POLH: variants seen among roughly 807,000 people sequenced by gnomAD.
The protein encoded by POLH is DNA polymerase eta.
POLH carries 53 observed loss-of-function variants against 73.6 expected under a neutral mutation model. That is an observed-to-expected ratio of 0.72 (90% confidence interval 0.58 to 0.91). POLH has a LOEUF of 0.91. Among genes scored for constraint, POLH ranks in the 40% least tolerant of loss-of-function variants. The pLI is 0.00. For synonymous variants in POLH, 292 were observed against 308.5 expected (o/e 0.95, Z 0.56); for missense variants, 768 against 865.4 (o/e 0.89, Z 1.41).
chr6:43,606,782 A>C (rs929228923), intron 9 of POLH, among the ~76,000 whole-genome samples: 2 of 152,016 alleles, frequency 1.3e-5, no homozygotes, highest in African/African-American at 2.4e-5. Context: ...CATACCACAA[A>C]ATTCACCCAT....
In POLH at chr6:43,597,722, C is replaced by G. The variant is rs766918319; in HGVS notation, c.517C>G (p.Gln173Glu). 6.2e-7 allele frequency: 1 copy of G among 1,614,036 alleles called. No homozygotes were observed. Among genetic ancestry groups the G allele is most frequent in the Non-Finnish European group, 8.5e-7 (1 of 1,179,912 alleles). ...KEGMRKQGLF[Q>E]WLDSLQIDNL... Reference sequence around the variant, plus strand: ...GGGGATGCGAAAACAAGGCTTATTTCAATGGCTCGATTCTCTTCAGATTGA... The same window carrying G: ...GGGGATGCGAAAACAAGGCTTATTTGAATGGCTCGATTCTCTTCAGATTGA... Residue 173 changes from glutamine to glutamate, a missense_variant, in exon 5 of 11, where the codon CAA becomes GAA. Gln to Glu is a conservative substitution (Grantham distance 29, BLOSUM62 2). Coordinates refer to ENST00000372236, the MANE Select transcript of POLH (RefSeq NM_006502.3).
chr6:43,586,464 A>C (rs1261535563), intron 3 of POLH, among the ~76,000 whole-genome samples: 1 of 152,210 alleles, frequency 6.6e-6, no homozygotes, highest in Non-Finnish European at 1.5e-5. Context: ...CTGGGAGACA[A>C]GAGCGAGACT....
At chr6:43,597,604 A>T (rs1766231022) in intron 4 of POLH, 92 bp from the exon 5 acceptor site, 1 of 1,230,546 alleles carries the variant, frequency 8.1e-7, no homozygotes. Context: ...TATATGTCTA[A>T]ATACCTGTAA....
chr6:43,613,682 T>C lies in POLH; in HGVS notation c.1267T>C (p.Phe423Leu), dbSNP rs777712407. ...TEWSPPLTML[F>L]LCATKFSASA... ...TAGGTCTCCTCCTCTCACAATGCTT[T>C]TCCTCTGTGCTACAAAATTTTCTGC... Residue 423 changes from phenylalanine to leucine, a missense_variant, in exon 11 of 11, where the codon TTC becomes CTC. Phe to Leu is a conservative substitution (Grantham distance 22). Transcript: ENST00000372236. The C allele has an allele frequency of 1.1e-5, 18 of 1,613,920 alleles. No individual in the cohort carries two copies. The highest frequency in any genetic ancestry group is 2.2e-5 in the South Asian group (2 of 91,048).
chr6:43,576,759 C>T (rs2127763356), intron 1 of POLH, among the ~76,000 whole-genome samples: 1 of 152,310 alleles, frequency 6.6e-6, no homozygotes, highest in Non-Finnish European at 1.5e-5. Context: ...AAGGTTTGTG[C>T]AGTTTTGATA....
chr6:43,585,892 C>G (rs1764773369), intron 3 of POLH, among the ~76,000 whole-genome samples: 2 of 151,628 alleles, frequency 1.3e-5, no homozygotes, highest in Non-Finnish European at 2.9e-5. Flanking sequence ...GATCCACCCA[C>G]CTCTGCCTCC....
At chr6:43,594,128 C>T (rs1765783949) in intron 4 of POLH, among the ~76,000 whole-genome samples, 1 of 152,238 alleles carries the variant, frequency 6.6e-6, no homozygotes, top group African/African-American at 2.4e-5. Context: ...TAAAAATCTA[C>T]ATTGCCACAG....
At chr6:43,584,354 G>C (rs182117715) in intron 3 of POLH, among the ~76,000 whole-genome samples, 10 of 152,162 alleles carry the variant, frequency 6.6e-5, no homozygotes, top group Non-Finnish European at 1.0e-4. Flanking sequence ...ACCCACATTG[G>C]AATTATTGCT....
rs763625993 is a variant in POLH, at chr6:43,620,295, T to C, written c.*5738T>C. The C allele has an allele frequency of 1.1e-4, 59 of 516,864 alleles. 1 individual carries two copies. Among genetic ancestry groups the C allele is most frequent in the Admixed American group, 1.0e-3 (52 of 50,866 alleles). The allele number at this position is 516,864 out of a possible 1,614,324, so 32.0% of individuals were successfully genotyped here. On this transcript the variant is annotated 3_prime_UTR_variant, in exon 11 of 11. Coordinates refer to ENST00000372236, the MANE Select transcript of POLH (RefSeq NM_006502.3). ...TTCTGCTCACTTGAACTACGGAAAA[T>C]AGGCCACAATACTTGGTTACAATAC...
intron 9 of POLH, 161 bp downstream of exon 9, chr6:43,605,480 C>T (rs548895303): frequency 9.4e-6 from 5 of 530,696 alleles, no homozygotes; most frequent in Non-Finnish European, 1.3e-5. Context: ...GACATGGTCT[C>T]ACTCTGTCTC....
chr6:43,583,958 A>G (rs538577308), intron 3 of POLH, among the ~76,000 whole-genome samples: 1 of 152,304 alleles, frequency 6.6e-6, no homozygotes, highest in South Asian at 2.1e-4. Flanking sequence ...CCTGGGCAAC[A>G]TGGGGAAACC....
intron 5 of POLH, 50 bp from the exon 6 acceptor site, chr6:43,600,938 A>G (rs1220965296): frequency 8.7e-7 from 1 of 1,155,706 alleles, no homozygotes; most frequent in African/African-American, 1.5e-5. Context: ...ATATTCACCA[A>G]CTTTGATGGG....
intron 5 of POLH, 95 bp downstream of exon 5, chr6:43,597,960 G>A (rs575829098): frequency 2.7e-5 from 32 of 1,164,318 alleles, no homozygotes; most frequent in East Asian, 9.5e-5. Flanking sequence ...CACATAGGCC[G>A]GGTGCAGTTT....
chr6:43,589,080 C>T (rs528871856), intron 4 of POLH, among the ~76,000 whole-genome samples: 5 of 152,194 alleles, frequency 3.3e-5, no homozygotes, highest in South Asian at 2.1e-4. Flanking sequence ...CCTTGTGATC[C>T]GCCCGCCTCG....
At chr6:43,582,174 T>C in intron 1 of POLH, 142 bp from the exon 2 acceptor site, 2 of 794,342 alleles carry the variant, frequency 2.5e-6, no homozygotes, top group Non-Finnish European at 4.4e-6. Flanking sequence ...TCAACCTGTA[T>C]ATTTAAATGC....
chr6:43,580,971 C>T (rs1460180686), intron 1 of POLH, among the ~76,000 whole-genome samples: 43 of 142,622 alleles, frequency 3.0e-4, no homozygotes, highest in Middle Eastern at 3.7e-3. Flanking sequence ...CCGGATGGGG[C>T]GGCTGGCCGG....
rs1299778516 is a variant in POLH, at chr6:43,614,895, G to C, written c.*338G>C. On this transcript the variant is annotated 3_prime_UTR_variant, in exon 11 of 11. Transcript: ENST00000372236. ...TTATTGCAATGAGGGCCTTGAACAA[G>C]TCATTTTCTTCACATTCTCATCTGT... 3.7e-6 allele frequency: 1 copy of C among 267,846 alleles called. No individual in the cohort carries two copies. The highest frequency in any genetic ancestry group is 7.1e-6 in the Non-Finnish European group (1 of 140,946). The allele number at this position is 267,846 out of a possible 1,614,324, so 16.6% of individuals were successfully genotyped here.
At position 43,614,261 on chromosome 6, in the gene POLH, G is replaced by T. The variant is rs1260387222; in HGVS notation, c.1846G>T (p.Val616Leu). Residue 616 changes from valine (V) to leucine (L), a missense_variant, in exon 11 of 11, where the codon GTG becomes TTG. Transcript: ENST00000372236. ...ASSASKSVLE[V>L]TQKATPNPSL... The stretch of plus-strand genomic sequence containing the variant: ...TTCAGCTTCCAAATCTGTGCTGGAG[G>T]TGACTCAGAAAGCAACCCCAAATCC... 6.2e-7 allele frequency: 1 copy of T among 1,601,856 alleles called. No homozygotes were observed. Among genetic ancestry groups the T allele is most frequent in the Admixed American group, 1.7e-5 (1 of 58,846 alleles).
chr6:43,605,323 A>C lies in POLH; in HGVS notation c.1074+4A>C. The C allele has an allele frequency of 6.5e-7, 1 of 1,546,088 alleles. No homozygotes were observed. On this transcript the variant is annotated splice_donor_region_variant and intron_variant, in intron 9 of 10. Transcript: ENST00000372236. ...ACTGACTAAAGACCGAAATGATGTA[A>C]GATTTTCTTTCTTTATTCCTGGGGT...
Sources: allele counts gnomAD v4.1 joint callset (sites outside exome capture counted in the v4.1 genomes callset), GRCh38; gene constraint gnomAD v4.1.1; transcripts MANE v1.5; gene names NCBI Gene and HGNC (gene_info 2026-07-23, HGNC 2026-07-21).